DLG2: variants seen among roughly 807,000 people sequenced by gnomAD.
DLG2 encodes discs large MAGUK scaffold protein 2, also known as disks large homolog 2.
In DLG2, 45 loss-of-function variants were observed where a neutral mutation model predicts 132.5. The ratio of observed to expected loss-of-function variants is 0.34; its 90% CI spans 0.27 to 0.44. DLG2 has a LOEUF of 0.44. Among genes scored for constraint, DLG2 ranks in the 20% least tolerant of loss-of-function variants. The pLI is 1.00. For synonymous variants in DLG2, 424 were observed against 419.6 expected, an observed-to-expected ratio of 1.01 and a Z score of -0.13; for missense variants, 1,045 against 1,196.9, an observed-to-expected ratio of 0.87 and a Z score of 1.87.
chr11:83,849,317 T>A (rs1465397953), intron 16 of DLG2, among the ~76,000 whole-genome samples: 2 of 144,076 alleles, frequency 1.4e-5, no homozygotes, highest in African/African-American at 5.4e-5. Context: ...ATAAATAATA[T>A]ATATAATAAA....
At chr11:85,320,811 AG>A (rs2081011647) in intron 3 of DLG2, among the ~76,000 whole-genome samples, 1 of 151,918 alleles carries the variant, frequency 6.6e-6, no homozygotes, top group Admixed American at 6.6e-5. Context: ...ATCAACAAAA[AG>A]CCACAGAGAC....
chr11:83,792,411 C>T (rs1481667439), intron 17 of DLG2, among the ~76,000 whole-genome samples: 2 of 152,094 alleles, frequency 1.3e-5, no homozygotes, highest in Admixed American at 1.3e-4. Context: ...AATATACCCA[C>T]ATCATATCCA....
chr11:84,381,753 T>C (rs2098749723), intron 7 of DLG2, among the ~76,000 whole-genome samples: 1 of 152,128 alleles, frequency 6.6e-6, no homozygotes, highest in Non-Finnish European at 1.5e-5. Context: ...ATTAACTAAA[T>C]CAGAAAGAGT....
chr11:83,984,216 AG>A (rs2093052627), intron 11 of DLG2, among the ~76,000 whole-genome samples: 2 of 151,550 alleles, frequency 1.3e-5, no homozygotes, highest in African/African-American at 4.9e-5. Context: ...ATAGATAGAT[AG>A]ATAGATAGAT....
At chr11:85,344,291 C>A (rs1475395878) in intron 3 of DLG2, among the ~76,000 whole-genome samples, 1 of 152,150 alleles carries the variant, frequency 6.6e-6, no homozygotes, top group Non-Finnish European at 1.5e-5. Flanking sequence ...AGCTCCTGAG[C>A]TTCACCTTTT....
Position 83,753,794 on chromosome 11 carries a change from T to C in DLG2, c.1825+32896A>G, listed in dbSNP as rs995412991. Among the ~76,000 whole-genome samples the C allele has an allele frequency of 6.7e-4, 76 of 113,350 alleles. 2 individuals carry two copies. The highest frequency in any genetic ancestry group is 9.7e-4 in the Non-Finnish European group (59 of 60,548). The allele number at this position is 113,350 out of a possible 152,430, so 74.4% of individuals were successfully genotyped here. A position where few individuals can be genotyped will look rare whatever the true frequency, so the allele number is the denominator to read the frequency against. On this transcript the variant is annotated intron_variant, in intron 18 of 27. Coordinates refer to ENST00000376104, the MANE Select transcript of DLG2 (RefSeq NM_001142699.3). ...ATATGGCATATATATGTCATATATA[T>C]GATATATCATATATATCATATATAT...
At chr11:84,995,407 T>A (rs879714357) in intron 6 of DLG2, among the ~76,000 whole-genome samples, 6 of 152,148 alleles carry the variant, frequency 3.9e-5, no homozygotes, top group Admixed American at 3.9e-4. Flanking sequence ...GATTAGTAAA[T>A]CAATTAACAG....
rs374376019 is a variant in DLG2, at chr11:84,828,641, G to A, written c.357+283020C>T. 2.6e-4 allele frequency among the ~76,000 whole-genome samples: 39 copies of A among 151,778 alleles called. 1 individual carries two copies. In the East Asian group the frequency reaches 3.1e-3, roughly 12 times the overall value. ...AGTGAAGCCAAAAGAATTCTCCTTT[G>A]GTGAGAGTAGTGAGGAAAAATAAAG... On this transcript the variant is annotated intron_variant, in intron 6 of 27. Coordinates refer to ENST00000376104, the MANE Select transcript of DLG2 (RefSeq NM_001142699.3).
intron 7 of DLG2, among the ~76,000 whole-genome samples, chr11:84,514,731 T>C (rs928881287): frequency 1.3e-5 from 2 of 151,602 alleles, no homozygotes; most frequent in Non-Finnish European, 2.9e-5. Flanking sequence ...ATAGTTAGAG[T>C]GAATAAGAAT....
chr11:84,315,687 C>T (rs1452516415), intron 7 of DLG2, among the ~76,000 whole-genome samples: 1 of 152,088 alleles, frequency 6.6e-6, no homozygotes, highest in African/African-American at 2.4e-5. Context: ...AATCAGGAGG[C>T]TGAGATGCTC....
chr11:85,492,666 C>T (rs749240865), intron 3 of DLG2, among the ~76,000 whole-genome samples: 2 of 150,482 alleles, frequency 1.3e-5, no homozygotes, highest in Non-Finnish European at 2.9e-5. Flanking sequence ...TGAATGCAAC[C>T]GGATATATTA....
chr11:85,580,138 G>A (rs1288974554), intron 3 of DLG2, among the ~76,000 whole-genome samples: 2 of 152,194 alleles, frequency 1.3e-5, no homozygotes, highest in African/African-American at 2.4e-5. Flanking sequence ...CATGTAGGAT[G>A]TGAATTGCTC....
chr11:85,339,121 T>C (rs566975015), intron 3 of DLG2, among the ~76,000 whole-genome samples: 3 of 152,236 alleles, frequency 2.0e-5, no homozygotes, highest in Non-Finnish European at 4.4e-5. Context: ...TATTTTTCTT[T>C]TGAGCTTTGC....
rs115002681 is a variant in DLG2, at chr11:84,992,027, T to G, written c.357+119634A>C. Among the ~76,000 whole-genome samples, 132 of 152,324 alleles carry G rather than the reference T, an allele frequency of 8.7e-4. 1 individual carries two copies. The highest frequency in any genetic ancestry group is 3.1e-3 in the African/African-American group (128 of 41,580). On this transcript the variant is annotated intron_variant, in intron 6 of 27. Transcript: ENST00000376104. The stretch of plus-strand genomic sequence containing the variant: ...TGAAGGCATCTAAGTTTTAAATCCA[T>G]TTTTCTTTCTACCAATGGCCTTTCC...
chr11:84,293,024 G>A (rs552028884), intron 7 of DLG2, among the ~76,000 whole-genome samples: 1 of 152,258 alleles, frequency 6.6e-6, no homozygotes, highest in South Asian at 2.1e-4. Flanking sequence ...TTTAAAGTTG[G>A]TCAGTGAGTA....
intron 5 of DLG2, among the ~76,000 whole-genome samples, chr11:85,114,590 T>C (rs961658277): frequency 3.3e-5 from 5 of 151,952 alleles, no homozygotes; most frequent in African/African-American, 1.2e-4. Flanking sequence ...TGGGTCTTAG[T>C]CTTTTAAAAA....
intron 3 of DLG2, among the ~76,000 whole-genome samples, chr11:85,507,678 A>G (rs1265282444): frequency 1.3e-5 from 2 of 151,930 alleles, no homozygotes; most frequent in Admixed American, 6.6e-5. Context: ...TCTGACAATT[A>G]TGTGTCTTGG....
chr11:84,957,556 C>T (rs1312506270), intron 6 of DLG2, among the ~76,000 whole-genome samples: 1 of 152,128 alleles, frequency 6.6e-6, no homozygotes, highest in Non-Finnish European at 1.5e-5. Flanking sequence ...CAAATGCCAC[C>T]TCCTCTTTGA....
At chr11:83,918,430 G>A (rs2077279946) in intron 15 of DLG2, among the ~76,000 whole-genome samples, 1 of 152,150 alleles carries the variant, frequency 6.6e-6, no homozygotes, top group Non-Finnish European at 1.5e-5. Flanking sequence ...CATTCTTCCT[G>A]TGGTAATTCT....
Sources: gnomAD v4.1 joint callset for allele counts (sites outside exome capture counted in the v4.1 genomes callset) on GRCh38, gnomAD v4.1.1 for gene constraint, MANE v1.5 for transcripts, NCBI Gene and HGNC (gene_info 2026-07-23, HGNC 2026-07-21) for gene names.